Variants in CLN6 observed in about 807,000 individuals in gnomAD.
The protein encoded by CLN6 is CLN6 transmembrane ER protein, also known as ceroid-lipofuscinosis neuronal protein 6.
A neutral mutation model predicts 33.3 loss-of-function variants in CLN6; 22 were observed. The ratio of observed to expected loss-of-function variants is 0.66; its 90% CI spans 0.47 to 0.94. CLN6 has a LOEUF of 0.94. CLN6 is among the 40% of genes least tolerant of loss of function. The pLI, the probability that CLN6 is intolerant of heterozygous loss-of-function variation, is 0.00. For missense variants in CLN6, 387 were observed against 417.1 expected, an observed-to-expected ratio of 0.93 and a Z score of 0.63; for synonymous variants, 201 against 174.6, an observed-to-expected ratio of 1.15 and a Z score of -1.19.
At chr15:68,253,065 A>G (rs1044539464) in intron 1 of CLN6, among the ~76,000 whole-genome samples, 10 of 152,202 alleles carry the variant, frequency 6.6e-5, no homozygotes, top group Admixed American at 2.0e-4. Flanking sequence ...ATCAAATACT[A>G]TAGTTTTTAA....
At chr15:68,255,312 C>CG (rs1422552888) in intron 1 of CLN6, among the ~76,000 whole-genome samples, 13 of 151,926 alleles carry the variant, frequency 8.6e-5, no homozygotes, top group African/African-American at 2.9e-4. Context: ...ACCTGACCCC[C>CG]CCCAATAATT....
At position 68,209,491 on chromosome 15, in the gene CLN6, T is replaced by A. The variant is rs925026864; in HGVS notation, c.665+146A>T. 5 of 1,137,782 alleles carry A rather than the reference T, an allele frequency of 4.4e-6. No homozygotes were observed. In the African/African-American group the frequency reaches 7.6e-5, roughly 17 times the overall value. The allele number at this position is 1,137,782 out of a possible 1,614,324, so 70.5% of individuals were successfully genotyped here. A position where few individuals can be genotyped will look rare whatever the true frequency, so the allele number is the denominator to read the frequency against. On this transcript the variant is annotated intron_variant, in intron 6 of 6. Transcript: ENST00000249806. The surrounding 1 kb of genome is among the most constrained non-coding windows in gnomAD (Gnocchi z 4.9). ...AGGCCACCACAGGGCATTGTCACAG[T>A]CCCCACTAGACACAAGAAGAAGCAC...
rs1483847194 is a variant in CLN6, at chr15:68,229,638, C to T, written c.-54G>A. On this transcript the variant is annotated 5_prime_UTR_variant, in exon 1 of 7. Coordinates refer to ENST00000249806, the MANE Select transcript of CLN6 (RefSeq NM_017882.3). ...CTTTCCGAGGAAGAGACCGGTTCAG[C>T]TCGGCTGCCCCGGCGGAGGCCGCCG... 2.9e-6 allele frequency: 4 copies of T among 1,366,130 alleles called. No homozygotes were observed. Among genetic ancestry groups the T allele is most frequent in the Non-Finnish European group, 3.8e-6 (4 of 1,047,686 alleles). 84.6% of individuals were successfully genotyped at this position (1,366,130 alleles called of 1,614,324 possible).
At chr15:68,226,048 G>A (rs1036999329) in intron 1 of CLN6, among the ~76,000 whole-genome samples, 116 of 148,490 alleles carry the variant, frequency 7.8e-4, no homozygotes, top group African/African-American at 2.6e-3. Flanking sequence ...GGCTGGGCGC[G>A]GTGGCTCAGG....
At position 68,216,134 on chromosome 15, in the gene CLN6, T is replaced by C. The variant is rs572404526; in HGVS notation, c.199-1746A>G. ...CTCTAAGCAGGATGGGGGAAGTGAT[T>C]TGCCCAATAGGAGACCCTGTTATGC... On this transcript the variant is annotated intron_variant, in intron 2 of 6. Transcript: ENST00000249806. Among the ~76,000 whole-genome samples the C allele has an allele frequency of 8.7e-4, 133 of 152,318 alleles. 3 individuals are homozygous for C. The highest frequency in any genetic ancestry group is 8.4e-4 in the Non-Finnish European group (57 of 68,028).
exon 1 of CLN6, chr15:68,257,074 C>G: frequency 2.3e-6 from 1 of 442,610 alleles, no homozygotes; most frequent in Non-Finnish European, 4.0e-6. Flanking sequence ...GGCCGCGGGC[C>G]CAAGGGAAAG....
intron 3 of CLN6, chr15:68,212,944 G>C (rs1321937201): frequency 1.3e-5 from 2 of 152,220 alleles, no homozygotes; most frequent in African/African-American, 2.4e-5. Flanking sequence ...TTTTGAGACA[G>C]AGTGTTGCTC....
chr15:68,221,896 G>A (rs554208458), intron 1 of CLN6, among the ~76,000 whole-genome samples: 2 of 145,776 alleles, frequency 1.4e-5, no homozygotes, highest in African/African-American at 5.1e-5. Flanking sequence ...TGGGATGTGA[G>A]GAGCGCCTCT....
rs2141135931 is a variant in CLN6, at chr15:68,208,217, T to A, written c.859A>T (p.Arg287Trp). Residue 287 changes from arginine (R) to tryptophan (W), a missense_variant, in exon 7 of 7, where the codon AGG becomes TGG. Transcript: ENST00000249806. This position sits in a 1 kb window ranked among gnomAD's most constrained non-coding sequence, Gnocchi z 5.8. ...VAWLWNDPVLRKKYPGVIYVP... is the reference protein window; with the variant it reads ...VAWLWNDPVLWKKYPGVIYVP... The stretch of plus-strand genomic sequence containing the variant: ...TAGATGACACCCGGGTACTTCTTCC[T>A]GAGAACAGGGTCATTCCACAGCCAG... The A allele has an allele frequency of 1.2e-6, 2 of 1,613,366 alleles. No individual in the cohort carries two copies. Among genetic ancestry groups the A allele is most frequent in the South Asian group, 2.2e-5 (2 of 91,034 alleles).
At chr15:68,254,602 C>A in intron 1 of CLN6, 1 of 601,032 alleles carries the variant, frequency 1.7e-6, no homozygotes, top group Non-Finnish European at 3.0e-6. Context: ...GCTCCCAGCG[C>A]CTATGTCCCG....
At chr15:68,226,402 AG>A (rs1309946955) in intron 1 of CLN6, among the ~76,000 whole-genome samples, 1 of 152,100 alleles carries the variant, frequency 6.6e-6, no homozygotes, top group Non-Finnish European at 1.5e-5. Context: ...ATCTTGAGCA[AG>A]TCACTTAACT....
intron 1 of CLN6, among the ~76,000 whole-genome samples, chr15:68,243,701 G>GC (rs1892298317): frequency 6.7e-6 from 1 of 150,008 alleles, no homozygotes; most frequent in Admixed American, 6.7e-5. Context: ...GTTGCAGTGA[G>GC]CCGATATTGC....
chr15:68,244,764 A>G (rs967769783), intron 1 of CLN6, among the ~76,000 whole-genome samples: 1 of 152,156 alleles, frequency 6.6e-6, no homozygotes, highest in Non-Finnish European at 1.5e-5. Flanking sequence ...GCAACCTGTT[A>G]AGAGACAGGC....
At chr15:68,235,778 C>T (rs1397322142) in intron 1 of CLN6, among the ~76,000 whole-genome samples, 3 of 152,054 alleles carry the variant, frequency 2.0e-5, no homozygotes, top group Admixed American at 6.5e-5. Flanking sequence ...GTTTACTCTC[C>T]TGCTTAGGTC....
At position 68,210,704 on chromosome 15, in the gene CLN6, T is replaced by C. The variant is rs2093202434; in HGVS notation, c.542+559A>G. On this transcript the variant is annotated intron_variant, in intron 5 of 6. Transcript: ENST00000249806. This position sits in a 1 kb window ranked among gnomAD's most constrained non-coding sequence, Gnocchi z 5.6. ...AGGCTGAGACCACATTTCTGAGGTC[T>C]CCCCCGACTGAGGGACGGGGTAGGT... Among the ~76,000 whole-genome samples the C allele has an allele frequency of 6.6e-6, 1 of 151,962 alleles. No individual in the cohort carries two copies. Among genetic ancestry groups the C allele is most frequent in the Non-Finnish European group, 1.5e-5 (1 of 67,936 alleles).
rs2141136381 is a variant in CLN6 at position 68,208,624 on chromosome 15, G to A, written c.666-214C>T. 6.6e-6 allele frequency among the ~76,000 whole-genome samples: 1 copy of A among 152,306 alleles called. No individual in the cohort carries two copies. The highest frequency in any genetic ancestry group is 2.1e-4 in the South Asian group (1 of 4,826). Reference sequence around the variant, plus strand: ...CTGTTTTTTAAATGTTGAGTTTGTTGCCAATATTTAAATAACAGAATACCT... The same window carrying A: ...CTGTTTTTTAAATGTTGAGTTTGTTACCAATATTTAAATAACAGAATACCT... On this transcript the variant is annotated intron_variant, in intron 6 of 6. Coordinates refer to ENST00000249806, the MANE Select transcript of CLN6 (RefSeq NM_017882.3). This position sits in a 1 kb window ranked among gnomAD's most constrained non-coding sequence, Gnocchi z 5.8.
chr15:68,252,941 G>C (rs1455240635), intron 1 of CLN6, among the ~76,000 whole-genome samples: 2 of 152,240 alleles, frequency 1.3e-5, no homozygotes, highest in Non-Finnish European at 2.9e-5. Context: ...AGGAGGTAGA[G>C]CAAGACAGGA....
intron 2 of CLN6, chr15:68,214,632 A>T: frequency 2.0e-6 from 1 of 493,744 alleles, no homozygotes. Flanking sequence ...GAGCAGATGC[A>T]ATTCCAGTCA....
chr15:68,235,597 T>A (rs1274229363), intron 1 of CLN6, among the ~76,000 whole-genome samples: 897 of 4,342 alleles, frequency 0.21, 12 homozygotes, highest in East Asian at 0.41. Context: ...AATATATATA[T>A]ATATATATAT....
Sources: gnomAD v4.1 joint callset for allele counts (sites outside exome capture counted in the v4.1 genomes callset) on GRCh38, gnomAD v4.1.1 for gene constraint, Gnocchi (gnomAD v3.1) non-coding constraint, MANE v1.5 for transcripts, NCBI Gene and HGNC (gene_info 2026-07-23, HGNC 2026-07-21) for gene names.